STMN3: variants seen among roughly 807,000 people sequenced by gnomAD.
The protein encoded by STMN3 is stathmin 3.
Under a neutral mutation model 23.2 loss-of-function variants are expected in STMN3, and 24 were observed. The ratio of observed to expected loss-of-function variants is 1.03; its 90% confidence interval spans 0.75 to 1.45. The LOEUF (loss-of-function observed/expected upper bound fraction) is 1.45. Ranked by LOEUF, STMN3 falls within the 40% of genes most tolerant of loss-of-function variation. The probability of loss-of-function intolerance (pLI) is 0.00; values close to 1 mark genes in which losing one functional copy is unlikely to be tolerated. For missense variants in STMN3, 235 were observed against 237.6 expected (o/e 0.99, Z 0.07); for synonymous variants, 117 against 103.4 (o/e 1.13, Z -0.80).
At chr20:63,646,993 G>A (rs1340401793) in intron 1 of STMN3, among the ~76,000 whole-genome samples, 1 of 147,622 alleles carries the variant, frequency 6.8e-6, no homozygotes, top group South Asian at 2.2e-4. Flanking sequence ...CGCCCGCCCG[G>A]CCTACACACC....
chr20:63,643,683 T>C, intron 3 of STMN3, 73 bp downstream of exon 3: 3 of 1,459,928 alleles, frequency 2.1e-6, no homozygotes, highest in Admixed American at 5.3e-5. Flanking sequence ...AGCACCCTGC[T>C]TCTTGCAGGC....
chr20:63,646,799 C>A (rs2089812787), intron 1 of STMN3, among the ~76,000 whole-genome samples: 1 of 149,672 alleles, frequency 6.7e-6, no homozygotes. Flanking sequence ...TGCCAGCACA[C>A]CAGTTTTCTT....
chr20:63,652,848 G>A lies in STMN3; in HGVS notation c.19+479C>T. ...TCCTTCAGCGCCCCCTCCAGCCCCT[G>A]TGCTGCACTGGCGCGGGGAGCGCCG... On this transcript the variant is annotated intron_variant, in intron 1 of 4. Coordinates refer to ENST00000370053, the MANE Select transcript of STMN3 (RefSeq NM_015894.4). This position sits in a 1 kb window ranked among gnomAD's most constrained non-coding sequence, Gnocchi z 5.3. 2.1e-6 allele frequency: 2 copies of A among 949,524 alleles called. No homozygotes were observed. The highest frequency in any genetic ancestry group is 2.5e-6 in the Non-Finnish European group (2 of 797,212). The allele number at this position is 949,524 out of a possible 1,614,324, so 58.8% of individuals were successfully genotyped here.
chr20:63,647,298 G>A (rs1413911059), intron 1 of STMN3, among the ~76,000 whole-genome samples: 4 of 119,490 alleles, frequency 3.3e-5, no homozygotes, highest in Admixed American at 2.8e-4. Context: ...CAAGACTCCC[G>A]TCTCAAAAAA....
chr20:63,646,363 TTTTC>T (rs1206196176), intron 1 of STMN3, among the ~76,000 whole-genome samples: 1 of 151,898 alleles, frequency 6.6e-6, no homozygotes, highest in African/African-American at 2.4e-5. Flanking sequence ...AGTTTTCTTT[TTTTC>T]TTTTTGAGAT....
chr20:63,649,485 C>T (rs1301102729), intron 1 of STMN3, among the ~76,000 whole-genome samples: 1 of 152,120 alleles, frequency 6.6e-6, no homozygotes, highest in South Asian at 2.1e-4. Flanking sequence ...CAGCTGGTGC[C>T]AGGGAAGCCC....
chr20:63,647,678 T>C (rs1171863631), intron 1 of STMN3, among the ~76,000 whole-genome samples: 2 of 94,698 alleles, frequency 2.1e-5, no homozygotes, highest in African/African-American at 6.3e-5. Context: ...TATATACGTA[T>C]ATATACACGT....
chr20:63,647,661 T>A (rs542996884), intron 1 of STMN3, among the ~76,000 whole-genome samples: 3 of 130,638 alleles, frequency 2.3e-5, no homozygotes, highest in African/African-American at 8.6e-5. Flanking sequence ...TGTATATATA[T>A]AATATATATA....
chr20:63,644,074 C>T (rs1326072049), intron 2 of STMN3, 140 bp downstream of exon 2: 3 of 1,342,950 alleles, frequency 2.2e-6, no homozygotes, highest in Non-Finnish European at 3.1e-6. Context: ...GCTTCAGCCC[C>T]CAGGATGGGC....
At chr20:63,647,991 T>TATACATATAC (rs1288050001) in intron 1 of STMN3, among the ~76,000 whole-genome samples, 2 of 75,892 alleles carry the variant, frequency 2.6e-5, no homozygotes, top group Non-Finnish European at 5.4e-5. Flanking sequence ...CATATATATA[T>TATACATATAC]ACAGAGAGAG....
At chr20:63,651,505 C>A (rs1601064261) in intron 1 of STMN3, among the ~76,000 whole-genome samples, 1 of 152,158 alleles carries the variant, frequency 6.6e-6, no homozygotes, top group East Asian at 1.9e-4. Flanking sequence ...CACTGTCACC[C>A]AGGCTGCTTC....
Position 63,640,856 on chromosome 20 carries a change from C to G in STMN3, c.*482G>C. ...AGCACCGGCTGCACACGCAGGCTCCCAGGCACCATCACCCCCCTCCCCCGT... is the reference window on the plus strand; with the variant it reads ...AGCACCGGCTGCACACGCAGGCTCCGAGGCACCATCACCCCCCTCCCCCGT... On this transcript the variant is annotated 3_prime_UTR_variant, in exon 5 of 5. Coordinates refer to ENST00000370053, the MANE Select transcript of STMN3 (RefSeq NM_015894.4). The G allele has an allele frequency of 4.1e-6, 1 of 244,912 alleles. No individual in the cohort carries two copies. Among genetic ancestry groups the G allele is most frequent in the Non-Finnish European group, 8.2e-6 (1 of 122,236 alleles). 15.2% of individuals were successfully genotyped at this position (244,912 alleles called of 1,614,324 possible). A position where few individuals can be genotyped will look rare whatever the true frequency, so the allele number is the denominator to read the frequency against.
Position 63,644,275 on chromosome 20 carries a change from C to G in STMN3, c.54G>C (p.Leu18=). The change falls in exon 2 of 5, where the codon CTG becomes CTC. Residue 18 remains leucine (L), a synonymous_variant. Coordinates refer to ENST00000370053, the MANE Select transcript of STMN3 (RefSeq NM_015894.4). ...TGTAGAAGCAGGAGCAGATGAGCGACAGCACCGACAGCTCCTTCATCTTCT... is the reference window on the plus strand; with the variant it reads ...TGTAGAAGCAGGAGCAGATGAGCGAGAGCACCGACAGCTCCTTCATCTTCT... ...YKEKMKELSV[L]SLICSCFYTQ... The G allele has an allele frequency of 5.0e-6, 8 of 1,613,684 alleles. No individual in the cohort carries two copies. The highest frequency in any genetic ancestry group is 6.8e-6 in the Non-Finnish European group (8 of 1,179,886).
Position 63,639,778 on chromosome 20 carries a change from G to A in STMN3, c.*1560C>T, listed in dbSNP as rs2089744717. On this transcript the variant is annotated 3_prime_UTR_variant, in exon 5 of 5. Transcript: ENST00000370053. ...AATTTTTAAGTTCACTTTACTACGT[G>A]GATGAGATGGGTGCATATTACAGTA... 2 of 152,512 alleles carry A rather than the reference G, an allele frequency of 1.3e-5. No individual in the cohort carries two copies. Among genetic ancestry groups the A allele is most frequent in the African/African-American group, 4.8e-5 (2 of 41,574 alleles). The allele number at this position is 152,512 out of a possible 1,614,324, so 9.4% of individuals were successfully genotyped here.
Position 63,641,321 on chromosome 20 carries a change from C to T in STMN3, c.*17G>A. ...AACGTGTTCTGTCGCAGGATGGGCG[C>T]CGCCCGTCCCGGGCCCTTAGCCCGA... On this transcript the variant is annotated 3_prime_UTR_variant, in exon 5 of 5. Coordinates refer to ENST00000370053, the MANE Select transcript of STMN3 (RefSeq NM_015894.4). The T allele has an allele frequency of 1.9e-6, 3 of 1,559,068 alleles. No homozygotes were observed. The highest frequency in any genetic ancestry group is 2.6e-6 in the Non-Finnish European group (3 of 1,152,328).
chr20:63,644,535 G>A lies in STMN3; in HGVS notation c.20-226C>T, dbSNP rs550577399. Among the ~76,000 whole-genome samples the A allele has an allele frequency of 1.5e-3, 231 of 152,196 alleles. 1 individual carries two copies. Among genetic ancestry groups the A allele is most frequent in the Admixed American group, 3.0e-3 (46 of 15,290 alleles). On this transcript the variant is annotated intron_variant, in intron 1 of 4. Coordinates refer to ENST00000370053, the MANE Select transcript of STMN3 (RefSeq NM_015894.4). ...GTGTCCCCTGCCTTCTGTCTCTCTC[G>A]CCCTCTGCCTCTCCCCGCTTTTCCT...
At chr20:63,641,435 T>A in intron 4 of STMN3, 38 bp from the exon 5 acceptor site, 2 of 1,510,666 alleles carry the variant, frequency 1.3e-6, no homozygotes, top group Non-Finnish European at 1.8e-6. Flanking sequence ...AGGGCGGGGG[T>A]GGCTTGGGGC....
rs1010021791 is a variant in STMN3, at chr20:63,652,578, A to T, written c.19+749T>A. 1.3e-4 allele frequency: 127 copies of T among 985,022 alleles called. No homozygotes were observed. The African/African-American group carries it at 2.1e-3, about 17-fold the overall frequency. The allele number at this position is 985,022 out of a possible 1,614,324, so 61.0% of individuals were successfully genotyped here. The stretch of plus-strand genomic sequence containing the variant: ...GAGGCCGGGGTGGGCGCTACCTTCG[A>T]AGGCGGTGGGTCCGCCCCGCGGGAG... On this transcript the variant is annotated intron_variant, in intron 1 of 4. Coordinates refer to ENST00000370053, the MANE Select transcript of STMN3 (RefSeq NM_015894.4). This position sits in a 1 kb window ranked among gnomAD's most constrained non-coding sequence, Gnocchi z 5.3.
intron 1 of STMN3, among the ~76,000 whole-genome samples, chr20:63,645,813 C>T (rs1035594933): frequency 2.6e-5 from 4 of 152,096 alleles, no homozygotes; most frequent in Admixed American, 6.6e-5. Context: ...ATTAGCCAGG[C>T]GTGGTGGCAG....
Sources: allele counts gnomAD v4.1 joint callset (sites outside exome capture counted in the v4.1 genomes callset), GRCh38; gene constraint gnomAD v4.1.1; non-coding constraint Gnocchi (gnomAD v3.1); transcripts MANE v1.5; gene names NCBI Gene and HGNC (gene_info 2026-07-23, HGNC 2026-07-21).